BRWD1: variants seen among roughly 807,000 people sequenced by gnomAD.
BRWD1 encodes the protein bromodomain and WD repeat domain containing 1.
In BRWD1, 82 loss-of-function variants were observed where a neutral mutation model predicts 251.2. The observed-to-expected ratio is 0.33, with a 90% CI of 0.27 to 0.39. The LOEUF is 0.39. Ranked by LOEUF, BRWD1 falls within the 10% of genes least tolerant of loss-of-function variation. The probability of loss-of-function intolerance (pLI) is 1.00; values close to 1 mark genes in which losing one functional copy is unlikely to be tolerated. For missense variants in BRWD1, 2,233 were observed against 2,711.6 expected (o/e 0.82, Z 3.92); for synonymous variants, 918 against 902.8 (o/e 1.02, Z -0.30).
intron 37 of BRWD1, 48 bp from the exon 38 acceptor site, chr21:39,202,593 G>T: frequency 1.5e-6 from 2 of 1,339,752 alleles, no homozygotes; most frequent in South Asian, 1.3e-5. Flanking sequence ...AAAATACAAA[G>T]ATAATTGGTT....
intron 7 of BRWD1, among the ~76,000 whole-genome samples, chr21:39,295,476 C>T (rs13049907): frequency 0.47 from 70,712 of 151,650 alleles, 16,634 homozygotes; most frequent in Admixed American, 0.53. Flanking sequence ...CGTGAGCCAC[C>T]GCGCCCGGCC....
chr21:39,304,956 G>GT (rs2036238893), intron 4 of BRWD1, among the ~76,000 whole-genome samples: 2 of 96,634 alleles, frequency 2.1e-5, no homozygotes, highest in African/African-American at 3.9e-5. Context: ...CATATTTGGA[G>GT]ATTTTTTTTT....
At position 39,192,339 on chromosome 21, in the gene BRWD1, A is replaced by G; in HGVS notation, c.*3920T>C. 6.1e-6 allele frequency: 6 copies of G among 985,234 alleles called. No individual in the cohort carries two copies. The highest frequency in any genetic ancestry group is 7.2e-6 in the Non-Finnish European group (6 of 829,820). 61.0% of individuals were successfully genotyped at this position (985,234 alleles called of 1,614,324 possible). ...CTAGTTGGACTCAGTTTTTCCCACA[A>G]TGCTCTATTTTCTCACCTAGTTTTG... On this transcript the variant is annotated 3_prime_UTR_variant, in exon 41 of 41. Transcript: ENST00000342449.
At chr21:39,230,186 C>T (rs1601333400) in intron 25 of BRWD1, among the ~76,000 whole-genome samples, 1 of 152,290 alleles carries the variant, frequency 6.6e-6, no homozygotes, top group African/African-American at 2.4e-5. Flanking sequence ...CTACCATATG[C>T]TATGACCTCT....
Position 39,270,184 on chromosome 21 carries a change from G to A in BRWD1, c.1395+99C>T, listed in dbSNP as rs2035054342. Reference sequence around the variant, plus strand: ...TTTCTAATCATTTCATAGTTTACATGAGAGAAACAACTTGTTCAATATATT... The same window carrying A: ...TTTCTAATCATTTCATAGTTTACATAAGAGAAACAACTTGTTCAATATATT... On this transcript the variant is annotated intron_variant, in intron 14 of 40. Transcript: ENST00000342449. The A allele has an allele frequency of 4.8e-6, 6 of 1,249,976 alleles. No homozygotes were observed. The East Asian group carries it at 1.6e-4, about 34-fold the overall frequency. The allele number at this position is 1,249,976 out of a possible 1,614,324, so 77.4% of individuals were successfully genotyped here.
In BRWD1 at chr21:39,266,128, C is replaced by T. The variant is rs566480426; in HGVS notation, c.1531-1109G>A. ...AACTGCCAGAACAAACTCACGTCCA[C>T]GCCCAAGTAAGTCACTGCTTGAATA... On this transcript the variant is annotated intron_variant, in intron 15 of 40. Transcript: ENST00000342449. 2.6e-4 allele frequency among the ~76,000 whole-genome samples: 39 copies of T among 152,146 alleles called. No individual in the cohort carries two copies. The South Asian group carries it at 7.5e-3, about 29-fold the overall frequency.
At chr21:39,283,122 A>G (rs1174536173) in intron 8 of BRWD1, among the ~76,000 whole-genome samples, 10 of 152,178 alleles carry the variant, frequency 6.6e-5, no homozygotes, top group Admixed American at 2.6e-4. Context: ...TGTTTTCTTT[A>G]TAACAGCTCT....
chr21:39,286,031 T>TTTTTTTTTTTGG (rs2035625448), intron 8 of BRWD1, among the ~76,000 whole-genome samples: 1 of 147,184 alleles, frequency 6.8e-6, no homozygotes, highest in Non-Finnish European at 1.5e-5. Flanking sequence ...TTTTTTTTTT[T>TTTTTTTTTTTGG]GAGTCAAGAG....
At chr21:39,264,393 T>C in intron 17 of BRWD1, 67 bp downstream of exon 17, 5 of 957,644 alleles carry the variant, frequency 5.2e-6, no homozygotes, top group Non-Finnish European at 7.4e-6. Flanking sequence ...AAGGAAATTA[T>C]TTATATTATA....
upstream of BRWD1, among the ~76,000 whole-genome samples, chr21:39,316,592 C>T (rs150097632): frequency 0.014 from 2,069 of 152,198 alleles, 23 homozygotes; most frequent in Admixed American, 0.02. Context: ...GGTCATTGTC[C>T]AAAATTATCG....
intron 38 of BRWD1, among the ~76,000 whole-genome samples, chr21:39,200,804 G>A (rs555662743): frequency 5.3e-4 from 80 of 152,210 alleles, no homozygotes; most frequent in Non-Finnish European, 9.7e-4. Context: ...TGGCCAAATA[G>A]TGAAACCCCA....
chr21:39,298,417 T>C lies in BRWD1; in HGVS notation c.349+15A>G. 6.4e-7 allele frequency: 1 copy of C among 1,566,594 alleles called. No homozygotes were observed. Reference sequence around the variant, plus strand: ...CTATTAATACAAAGCAGAACACTTCTTCAAATTAAGGTACCTTTTGCTGTA... The same window carrying C: ...CTATTAATACAAAGCAGAACACTTCCTCAAATTAAGGTACCTTTTGCTGTA... On this transcript the variant is annotated intron_variant, in intron 5 of 40. Transcript: ENST00000342449.
intron 40 of BRWD1, among the ~76,000 whole-genome samples, chr21:39,197,696 T>C (rs2031895696): frequency 6.6e-6 from 1 of 152,170 alleles, no homozygotes; most frequent in South Asian, 2.1e-4. Context: ...TGGTATAGCC[T>C]ATTACTCCTA....
chr21:39,204,559 A>G (rs946592792), intron 37 of BRWD1, among the ~76,000 whole-genome samples: 3 of 152,226 alleles, frequency 2.0e-5, no homozygotes, highest in Non-Finnish European at 4.4e-5. Context: ...ACTGAGGTAC[A>G]TTGTATCAAG....
chr21:39,198,671 G>T, intron 40 of BRWD1, 92 bp downstream of exon 40: 1 of 1,153,244 alleles, frequency 8.7e-7, no homozygotes. Context: ...AAAGTTTCAA[G>T]GGAAACTTTT....
In BRWD1 at chr21:39,298,540, T is replaced by C. The variant is rs1372847241; in HGVS notation, c.241A>G (p.Ile81Val). ...AACATAGGACCGATGCGCTGGCAGA[T>C]TTGCAAAAGATGATCAGGAGCCACA... is the stretch of plus-strand genomic sequence containing the variant. ...KHVAPDHLLQ[I>V]CQRIGPMLDK... The change falls in exon 5 of 41, where the codon ATC becomes GTC. Residue 81 changes from isoleucine to valine, a missense_variant. Transcript: ENST00000342449. 1 of 1,605,522 alleles carries C rather than the reference T, an allele frequency of 6.2e-7. No homozygotes were observed. The highest frequency in any genetic ancestry group is 8.5e-7 in the Non-Finnish European group (1 of 1,177,360).
At chr21:39,288,527 T>C (rs2035710116) in intron 8 of BRWD1, among the ~76,000 whole-genome samples, 1 of 151,956 alleles carries the variant, frequency 6.6e-6, no homozygotes, top group Admixed American at 6.6e-5. Context: ...TATTTAGAAG[T>C]ACAGTTAGTT....
chr21:39,221,962 C>T (rs1343635471), intron 29 of BRWD1, among the ~76,000 whole-genome samples: 1 of 151,076 alleles, frequency 6.6e-6, no homozygotes, highest in African/African-American at 2.4e-5. Flanking sequence ...TAAAAATGAC[C>T]AATAAACAAA....
At chr21:39,319,582 C>T (rs932250710) in intron 1 of BRWD1, among the ~76,000 whole-genome samples, 2 of 152,150 alleles carry the variant, frequency 1.3e-5, no homozygotes, top group Non-Finnish European at 2.9e-5. Flanking sequence ...CAACTAATAA[C>T]ATTTATTGGA....
Sources: gnomAD v4.1 joint callset for allele counts (sites outside exome capture counted in the v4.1 genomes callset) on GRCh38, gnomAD v4.1.1 for gene constraint, MANE v1.5 for transcripts, NCBI Gene and HGNC (gene_info 2026-07-23, HGNC 2026-07-21) for gene names.